The following ETV1 variants were observed in gnomAD, a reference collection of about 807,000 sequenced individuals.
The protein encoded by ETV1 is ETS variant transcription factor 1.
Under a neutral mutation model 62.3 loss-of-function variants are expected in ETV1, and 27 were observed. The ratio of observed to expected loss-of-function variants is 0.43; its 90% CI spans 0.32 to 0.60. The LOEUF (loss-of-function observed/expected upper bound fraction) is 0.60. Among genes scored for constraint, ETV1 ranks in the 20% least tolerant of loss-of-function variants. The pLI is 0.06. For synonymous variants in ETV1, 222 were observed against 199.6 expected (o/e 1.11, Z -0.94); for missense variants, 605 against 605.8 (o/e 1.00, Z 0.01).
At chr7:13,964,377 C>G (rs1790533422) in intron 6 of ETV1, among the ~76,000 whole-genome samples, 1 of 152,120 alleles carries the variant, frequency 6.6e-6, no homozygotes, top group Middle Eastern at 3.4e-3. Flanking sequence ...GGAAATAATT[C>G]TAAGAAAAAC....
chr7:13,893,745 T>C lies in ETV1; in HGVS notation c.*2121A>G, dbSNP rs6972049. 22,646 of 232,832 alleles carry C rather than the reference T, an allele frequency of 0.097. 2,852 individuals are homozygous for C. Among genetic ancestry groups the C allele is most frequent in the African/African-American group, 0.34 (15,487 of 45,350 alleles). 14.4% of individuals were successfully genotyped at this position (232,832 alleles called of 1,614,324 possible). The stretch of plus-strand genomic sequence containing the variant: ...CCAAATCTCAATTATATATCTCAAT[T>C]CCTTTTTCCAATAAAACTTTCACTG... On this transcript the variant is annotated 3_prime_UTR_variant, in exon 14 of 14. Transcript: ENST00000430479.
rs147067285 is a variant in ETV1, at chr7:13,926,436, C to T, written c.802+5066G>A. Among the ~76,000 whole-genome samples, 403 of 152,216 alleles carry T rather than the reference C, an allele frequency of 2.6e-3. 3 individuals are homozygous for T. The highest frequency in any genetic ancestry group is 9.1e-3 in the African/African-American group (379 of 41,528). ...TTGCTATAAACATCTAAAATATTTG[C>T]GTCACTGGACATTCTGAATTTGCAA... On this transcript the variant is annotated intron_variant, in intron 9 of 13. Coordinates refer to ENST00000430479, the MANE Select transcript of ETV1 (RefSeq NM_004956.5).
chr7:13,987,538 A>T (rs1011621034), intron 4 of ETV1, among the ~76,000 whole-genome samples: 26 of 152,150 alleles, frequency 1.7e-4, no homozygotes, highest in Non-Finnish European at 2.6e-4. Flanking sequence ...ATTATTAAGG[A>T]GGCCTTAAGT....
intron 11 of ETV1, among the ~76,000 whole-genome samples, chr7:13,908,761 G>A (rs923972457): frequency 6.6e-6 from 1 of 152,056 alleles, no homozygotes; most frequent in African/African-American, 2.4e-5. Context: ...CATGTACATT[G>A]CTGTTTAAAT....
chr7:13,900,655 C>A, intron 13 of ETV1, 83 bp downstream of exon 13: 2 of 971,600 alleles, frequency 2.1e-6, no homozygotes, highest in South Asian at 1.7e-5. Flanking sequence ...TTCAGCAATG[C>A]AATGATATGT....
intron 6 of ETV1, among the ~76,000 whole-genome samples, chr7:13,949,459 C>A (rs1788546440): frequency 6.6e-6 from 1 of 152,106 alleles, no homozygotes. Context: ...TTTGTGAATC[C>A]ATCTTCTAAG....
At chr7:13,974,532 A>T (rs1781218732) in intron 6 of ETV1, among the ~76,000 whole-genome samples, 1 of 152,196 alleles carries the variant, frequency 6.6e-6, no homozygotes, top group Non-Finnish European at 1.5e-5. Context: ...AAGACAAGAA[A>T]ACCAACCAAA....
At chr7:13,953,585 G>T (rs1413093868) in intron 6 of ETV1, among the ~76,000 whole-genome samples, 1 of 151,960 alleles carries the variant, frequency 6.6e-6, no homozygotes, top group Non-Finnish European at 1.5e-5. Flanking sequence ...TACGGCAGAT[G>T]GGCCTGCAGA....
intron 12 of ETV1, among the ~76,000 whole-genome samples, chr7:13,903,192 C>G (rs1782609343): frequency 6.6e-6 from 1 of 152,094 alleles, no homozygotes; most frequent in Non-Finnish European, 1.5e-5. Context: ...CTTATATACG[C>G]CTTCAAATGA....
At chr7:13,967,637 G>A (rs1780438923) in intron 6 of ETV1, among the ~76,000 whole-genome samples, 1 of 151,960 alleles carries the variant, frequency 6.6e-6, no homozygotes, top group African/African-American at 2.4e-5. Context: ...AAAAAATTCA[G>A]TAACAGACAG....
At chr7:13,896,528 A>C (rs1583543735) in intron 13 of ETV1, among the ~76,000 whole-genome samples, 1 of 152,170 alleles carries the variant, frequency 6.6e-6, no homozygotes, top group South Asian at 2.1e-4. Flanking sequence ...GAAATGGTAG[A>C]AAAACTAAAT....
Position 13,895,794 on chromosome 7 carries a change from G to T in ETV1, c.*72C>A, listed in dbSNP as rs1039736685. On this transcript the variant is annotated 3_prime_UTR_variant, in exon 14 of 14. Transcript: ENST00000430479. ...ATACAAACAACAGAAATAAAACAAA[G>T]ATTCAGCAATTCTCTGTATCTTGCA... 28 of 960,280 alleles carry T rather than the reference G, an allele frequency of 2.9e-5. No individual in the cohort carries two copies. In the Admixed American group the frequency reaches 6.6e-4, roughly 23 times the overall value. The allele number at this position is 960,280 out of a possible 1,614,324, so 59.5% of individuals were successfully genotyped here. A position where few individuals can be genotyped will look rare whatever the true frequency, so the allele number is the denominator to read the frequency against.
chr7:13,947,562 A>G (rs754000530), intron 6 of ETV1, among the ~76,000 whole-genome samples: 19 of 152,340 alleles, frequency 1.2e-4, no homozygotes, highest in Admixed American at 3.3e-4. Flanking sequence ...GTCTGACTAA[A>G]GATCTAACAC....
At chr7:13,982,068 T>C (rs1235678276) in intron 5 of ETV1, among the ~76,000 whole-genome samples, 7 of 152,106 alleles carry the variant, frequency 4.6e-5, no homozygotes, top group African/African-American at 9.7e-5. Context: ...ACACCTTTAA[T>C]ACTTGATCAA....
At chr7:13,929,848 A>G (rs1047276217) in intron 9 of ETV1, among the ~76,000 whole-genome samples, 2 of 152,150 alleles carry the variant, frequency 1.3e-5, no homozygotes, top group Non-Finnish European at 2.9e-5. Flanking sequence ...GTGTAGAAGG[A>G]TGACCAGAGG....
At chr7:13,988,201 A>G (rs1484169123) in intron 3 of ETV1, 28 bp from the exon 4 acceptor site, 7 of 1,490,198 alleles carry the variant, frequency 4.7e-6, no homozygotes, top group Non-Finnish European at 6.6e-6. Flanking sequence ...AAATCCTTTA[A>G]AAGAATGTAA....
At chr7:13,907,609 A>G (rs1783101483) in intron 11 of ETV1, among the ~76,000 whole-genome samples, 1 of 152,136 alleles carries the variant, frequency 6.6e-6, no homozygotes, top group African/African-American at 2.4e-5. Flanking sequence ...ACATGTCTCA[A>G]AAATAGGTGG....
intron 11 of ETV1, 113 bp from the exon 12 acceptor site, chr7:13,906,712 G>C: frequency 1.5e-6 from 1 of 675,814 alleles, no homozygotes; most frequent in South Asian, 2.8e-5. Flanking sequence ...CACTTTATGG[G>C]CATTTATGAA....
chr7:13,932,569 G>C (rs1786314565), intron 8 of ETV1, among the ~76,000 whole-genome samples: 1 of 152,196 alleles, frequency 6.6e-6, no homozygotes, highest in African/African-American at 2.4e-5. Flanking sequence ...GGCCTCAGCA[G>C]AAGGCTAGAA....
Sources: gnomAD v4.1 joint callset for allele counts (sites outside exome capture counted in the v4.1 genomes callset) on GRCh38, gnomAD v4.1.1 for gene constraint, MANE v1.5 for transcripts, NCBI Gene and HGNC (gene_info 2026-07-23, HGNC 2026-07-21) for gene names.